SPPL2B: variants seen among roughly 807,000 people sequenced by gnomAD.
SPPL2B encodes the protein signal peptide peptidase-like 2B.
In SPPL2B, 39 loss-of-function variants were observed where a neutral mutation model predicts 59.7. That is an observed-to-expected ratio of 0.65 (90% CI 0.51 to 0.85). The LOEUF is 0.85. SPPL2B is among the 40% of genes least tolerant of loss of function. The pLI, the probability that SPPL2B is intolerant of heterozygous loss-of-function variation, is 0.00. For missense variants in SPPL2B, 865 were observed against 849.0 expected (o/e 1.02, Z -0.23); for synonymous variants, 419 against 370.8 (o/e 1.13, Z -1.49).
intron 13 of SPPL2B, among the ~76,000 whole-genome samples, chr19:2,345,663 C>T (rs1349182317): frequency 1.3e-5 from 2 of 151,248 alleles, no homozygotes; most frequent in African/African-American, 4.9e-5. Flanking sequence ...TTCTCATTCT[C>T]CCCGGGCCTG....
chr19:2,332,743 T>G lies in SPPL2B; in HGVS notation c.67-1859T>G, dbSNP rs546656884. 9.1e-4 allele frequency among the ~76,000 whole-genome samples: 138 copies of G among 152,206 alleles called. No individual in the cohort carries two copies. Among genetic ancestry groups the G allele is most frequent in the African/African-American group, 3.1e-3 (127 of 41,522 alleles). ...CACGTGGTTTTTCTTCTGGGACCCCTCCTCCCTGTGCAGGCCGGGCTCCCC... is the reference window on the plus strand; with the variant it reads ...CACGTGGTTTTTCTTCTGGGACCCCGCCTCCCTGTGCAGGCCGGGCTCCCC... On this transcript the variant is annotated intron_variant, in intron 1 of 14. Coordinates refer to ENST00000613503, the MANE Select transcript of SPPL2B (RefSeq NM_152988.3). This position sits in a 1 kb window ranked among gnomAD's most constrained non-coding sequence, Gnocchi z 4.6.
At chr19:2,352,348 G>A (rs1422937826) in intron 14 of SPPL2B, among the ~76,000 whole-genome samples, 1 of 152,220 alleles carries the variant, frequency 6.6e-6, no homozygotes, top group African/African-American at 2.4e-5. Context: ...TGTTGGGCAT[G>A]GGTGCAGCTC....
At chr19:2,348,753 C>T (rs1969666901) in intron 13 of SPPL2B, among the ~76,000 whole-genome samples, 1 of 143,552 alleles carries the variant, frequency 7.0e-6, no homozygotes, top group Non-Finnish European at 1.6e-5. Context: ...TTCTCTCTCT[C>T]CACACACACT....
Position 2,353,233 on chromosome 19 carries a change from C to A in SPPL2B, c.*24C>A. 1 of 1,535,640 alleles carries A rather than the reference C, an allele frequency of 6.5e-7. No homozygotes were observed. The highest frequency in any genetic ancestry group is 1.3e-5 in the South Asian group (1 of 78,764). ...AGGGGAGGGGTGAGACGCTCGCTGC[C>A]GTGCCCGCCACACCAAGATGTTGGG... On this transcript the variant is annotated 3_prime_UTR_variant, in exon 15 of 15. Transcript: ENST00000613503.
chr19:2,339,233 T>C (rs781588209), intron 5 of SPPL2B, 25 bp downstream of exon 5: 4 of 1,594,008 alleles, frequency 2.5e-6, no homozygotes, highest in Non-Finnish European at 3.4e-6. Flanking sequence ...GTGCGTGTGC[T>C]GTGACGGGGT....
intron 13 of SPPL2B, among the ~76,000 whole-genome samples, chr19:2,348,715 C>G (rs1303437143): frequency 7.4e-6 from 1 of 135,250 alleles, no homozygotes; most frequent in African/African-American, 2.8e-5. Context: ...TCTCCACACA[C>G]ACTCACGCTC....
rs140863154 is a variant in SPPL2B, at chr19:2,333,938, A to G, written c.67-664A>G. Among the ~76,000 whole-genome samples the G allele has an allele frequency of 4.5e-4, 68 of 152,272 alleles. 1 individual carries two copies. The East Asian group carries it at 8.3e-3, about 19-fold the overall frequency. ...GCTGGTGGCAGCGTGACCTGTTGCA[A>G]ACCTCAGCCTGTCCCACTCAGGACC... On this transcript the variant is annotated intron_variant, in intron 1 of 14. Transcript: ENST00000613503.
rs1968807956 is a variant in SPPL2B, at chr19:2,338,745, C to T, written c.370-7C>T. 6.2e-7 allele frequency: 1 copy of T among 1,605,186 alleles called. No individual in the cohort carries two copies. The highest frequency in any genetic ancestry group is 8.5e-7 in the Non-Finnish European group (1 of 1,173,254). On this transcript the variant is annotated splice_region_variant and splice_polypyrimidine_tract_variant and intron_variant, in intron 3 of 14. Transcript: ENST00000613503. ...GATGCCTGCCGCTCCCTCCTCTGGG[C>T]CCCCAGGTCCCCCCGGGGGGTAATA...
At chr19:2,334,540 G>C (rs534095697) in intron 1 of SPPL2B, 62 bp from the exon 2 acceptor site, 114 of 1,546,608 alleles carry the variant, frequency 7.4e-5, no homozygotes, top group Admixed American at 4.2e-4. Flanking sequence ...CCTGTTTCTC[G>C]TGGGGCGGTG....
Position 2,343,243 on chromosome 19 carries a change from T to C in SPPL2B, c.989T>C (p.Ile330Thr). 6.4e-7 allele frequency: 1 copy of C among 1,556,486 alleles called. No homozygotes were observed. Among genetic ancestry groups the C allele is most frequent in the South Asian group, 1.2e-5 (1 of 84,494 alleles). Residue 330 changes from isoleucine (I) to threonine (T), a missense_variant, in exon 9 of 15, where the codon ATC becomes ACC. Physicochemically the swap from Ile to Thr is moderately conservative, Grantham distance 89. Coordinates refer to ENST00000613503, the MANE Select transcript of SPPL2B (RefSeq NM_152988.3). ...WAWVLQDALG[I>T]AFCLYMLKTI... is the part of the protein sequence containing the mutation. ...TGGGTCCTCCAGGATGCCCTGGGCATCGCCTTCTGCCTCTACATGCTGAAG... is the reference window on the plus strand; with the variant it reads ...TGGGTCCTCCAGGATGCCCTGGGCACCGCCTTCTGCCTCTACATGCTGAAG...
chr19:2,348,927 T>C (rs796917302), intron 13 of SPPL2B, among the ~76,000 whole-genome samples: 689 of 46,878 alleles, frequency 0.015, 1 homozygote, highest in African/African-American at 0.062. Context: ...CGCTTGATTC[T>C]GTTCTCTCTC....
At chr19:2,334,936 A>G (rs1391223630) in intron 2 of SPPL2B, among the ~76,000 whole-genome samples, 1 of 152,084 alleles carries the variant, frequency 6.6e-6, no homozygotes, top group Non-Finnish European at 1.5e-5. Flanking sequence ...GTGCAGATCC[A>G]GAGGCACCGG....
chr19:2,346,046 G>C (rs746768451), intron 13 of SPPL2B, among the ~76,000 whole-genome samples: 1 of 151,758 alleles, frequency 6.6e-6, no homozygotes, highest in East Asian at 1.9e-4. Context: ...TCTTTGCCTT[G>C]TCTTCTACTG....
rs551144210 is a variant in SPPL2B, at chr19:2,333,748, C to T, written c.67-854C>T. ...TGTCAGGGGCTCCTGCCCGTGGATC[C>T]GGGCCTTCTCCCTGTGGCCTTCTCT... On this transcript the variant is annotated intron_variant, in intron 1 of 14. Coordinates refer to ENST00000613503, the MANE Select transcript of SPPL2B (RefSeq NM_152988.3). Among the ~76,000 whole-genome samples the T allele has an allele frequency of 1.6e-4, 25 of 152,232 alleles. No individual in the cohort carries two copies. The South Asian group carries it at 3.7e-3, about 23-fold the overall frequency.
At chr19:2,349,183 CGCTG>C (rs1969724449) in intron 13 of SPPL2B, among the ~76,000 whole-genome samples, 1 of 17,178 alleles carries the variant, frequency 5.8e-5, no homozygotes, top group African/African-American at 2.3e-4. Context: ...CACACTCACG[CGCTG>C]TCATTCGCTT....
In SPPL2B at chr19:2,354,633, T is replaced by C. The variant is rs1970089854; in HGVS notation, c.*1424T>C. The C allele has an allele frequency of 6.6e-6, 1 of 152,220 alleles. No individual in the cohort carries two copies. Among genetic ancestry groups the C allele is most frequent in the South Asian group, 2.1e-4 (1 of 4,828 alleles). The allele number at this position is 152,220 out of a possible 1,614,324, so 9.4% of individuals were successfully genotyped here. Reference sequence around the variant, plus strand: ...CAGCTTCCCAGGGAGTAATGGCGCCTTCACTGAAGCCATTTTGTACATGGG... The same window carrying C: ...CAGCTTCCCAGGGAGTAATGGCGCCCTCACTGAAGCCATTTTGTACATGGG... On this transcript the variant is annotated 3_prime_UTR_variant, in exon 15 of 15. Transcript: ENST00000613503.
chr19:2,337,451 G>C lies in SPPL2B; in HGVS notation c.195G>C (p.Leu65=). ...LPHDLSKASF[L]QLRNWTASLL... ...TGCCCTGGCCTTTCCAGTCTTTCCT[G>C]CAGCTGCGCAACTGGACGGCCTCCC... The change falls in exon 3 of 15, where the codon CTG becomes CTC. Residue 65 remains leucine (L), a synonymous_variant. Coordinates refer to ENST00000613503, the MANE Select transcript of SPPL2B (RefSeq NM_152988.3). The C allele has an allele frequency of 6.2e-7, 1 of 1,601,168 alleles. No individual in the cohort carries two copies. The highest frequency in any genetic ancestry group is 8.5e-7 in the Non-Finnish European group (1 of 1,171,812).
chr19:2,344,018 C>T lies in SPPL2B; in HGVS notation c.1092C>T (p.Phe364=). Residue 364 remains phenylalanine (F), a synonymous_variant, in exon 10 of 15, where the codon TTC becomes TTT. Coordinates refer to ENST00000613503, the MANE Select transcript of SPPL2B (RefSeq NM_152988.3). ...VLFLYDIFFV[F]ITPFLTKSGS... ...TCCTCTACGACATCTTCTTCGTGTT[C>T]ATCACGCCCTTCCTGACCAAGGTAG... 1 of 1,548,256 alleles carries T rather than the reference C, an allele frequency of 6.5e-7. No individual in the cohort carries two copies. Among genetic ancestry groups the T allele is most frequent in the South Asian group, 1.2e-5 (1 of 83,966 alleles).
chr19:2,349,649 C>G (rs900415473), intron 13 of SPPL2B, among the ~76,000 whole-genome samples: 1 of 93,704 alleles, frequency 1.1e-5, no homozygotes, highest in Non-Finnish European at 2.0e-5. Context: ...TGATTCCGTT[C>G]TCTCTCTCCA....
Sources: allele counts gnomAD v4.1 joint callset (sites outside exome capture counted in the v4.1 genomes callset), GRCh38; gene constraint gnomAD v4.1.1; non-coding constraint Gnocchi (gnomAD v3.1); transcripts MANE v1.5; gene names NCBI Gene and HGNC (gene_info 2026-07-23, HGNC 2026-07-21).